The following SLC9A9 variants were observed in gnomAD, a reference collection of about 807,000 sequenced individuals.
The protein encoded by SLC9A9 is solute carrier family 9 member A9, also known as sodium/hydrogen exchanger 9.
SLC9A9 carries 62 observed loss-of-function variants against 77.8 expected under a neutral mutation model. The ratio of observed to expected loss-of-function variants is 0.80; its 90% CI spans 0.65 to 0.98. The LOEUF is 0.98. Ranked by LOEUF, SLC9A9 falls within the 50% of genes least tolerant of loss-of-function variation. The pLI, the probability that SLC9A9 is intolerant of heterozygous loss-of-function variation, is 0.00. For synonymous variants in SLC9A9, 320 were observed against 283.5 expected, an observed-to-expected ratio of 1.13 and a Z score of -1.29; for missense variants, 775 against 774.9, an observed-to-expected ratio of 1.00 and a Z score of 0.00.
chr3:143,608,719 A>C (rs1309187866), intron 6 of SLC9A9, among the ~76,000 whole-genome samples: 2 of 152,218 alleles, frequency 1.3e-5, no homozygotes, highest in African/African-American at 4.8e-5. Context: ...GCTTATGGGT[A>C]CAGACAGACA....
At chr3:143,331,816 C>A (rs1429277004) in intron 14 of SLC9A9, among the ~76,000 whole-genome samples, 1 of 151,956 alleles carries the variant, frequency 6.6e-6, no homozygotes, top group African/African-American at 2.4e-5. Context: ...GAGTAAATTA[C>A]CATATGGTGT....
chr3:143,600,177 C>T (rs961585827), intron 6 of SLC9A9, among the ~76,000 whole-genome samples: 4 of 152,158 alleles, frequency 2.6e-5, no homozygotes, highest in African/African-American at 9.7e-5. Context: ...TATTCCTCCC[C>T]TAGCCTCCAA....
intron 3 of SLC9A9, among the ~76,000 whole-genome samples, chr3:143,796,002 A>T (rs1342476401): frequency 6.6e-6 from 1 of 152,182 alleles, no homozygotes; most frequent in Non-Finnish European, 1.5e-5. Flanking sequence ...GCTGCTGAAG[A>T]TGACTGCTCA....
At chr3:143,596,719 G>A (rs896128247) in intron 6 of SLC9A9, among the ~76,000 whole-genome samples, 2 of 152,080 alleles carry the variant, frequency 1.3e-5, no homozygotes, top group Non-Finnish European at 2.9e-5. Context: ...CTGGAGTACA[G>A]TGGCATGAAT....
At chr3:143,815,726 C>T (rs899442484) in intron 2 of SLC9A9, among the ~76,000 whole-genome samples, 4 of 151,850 alleles carry the variant, frequency 2.6e-5, no homozygotes, top group African/African-American at 9.7e-5. Flanking sequence ...ATTAGCTGGG[C>T]ATGGTGGTGT....
chr3:143,504,615 A>G (rs894098970), intron 9 of SLC9A9, among the ~76,000 whole-genome samples: 3 of 152,206 alleles, frequency 2.0e-5, no homozygotes, highest in Non-Finnish European at 4.4e-5. Context: ...GCATTATAGT[A>G]ATATCAATAT....
chr3:143,544,265 C>T (rs1187404292), intron 9 of SLC9A9, among the ~76,000 whole-genome samples: 2 of 152,090 alleles, frequency 1.3e-5, no homozygotes, highest in East Asian at 3.9e-4. Context: ...CTCGCTCTGT[C>T]GCCCAGGCTG....
intron 8 of SLC9A9, among the ~76,000 whole-genome samples, chr3:143,554,080 C>T (rs1488357759): frequency 6.6e-6 from 1 of 152,084 alleles, no homozygotes; most frequent in African/African-American, 2.4e-5. Context: ...CTGACCTGTT[C>T]ACTGTTTTGA....
At chr3:143,743,755 C>A (rs1935139335) in intron 4 of SLC9A9, among the ~76,000 whole-genome samples, 1 of 152,206 alleles carries the variant, frequency 6.6e-6, no homozygotes, top group South Asian at 2.1e-4. Flanking sequence ...ATTCCTTAAT[C>A]CAGTTAAGTT....
At chr3:143,581,237 G>T (rs1184995450) in intron 6 of SLC9A9, among the ~76,000 whole-genome samples, 2 of 152,178 alleles carry the variant, frequency 1.3e-5, no homozygotes, top group Non-Finnish European at 2.9e-5. Flanking sequence ...GGAGGCAGGT[G>T]AGTTCAGGGC....
intron 8 of SLC9A9, among the ~76,000 whole-genome samples, chr3:143,553,049 C>G (rs2036919723): frequency 6.6e-6 from 1 of 152,186 alleles, no homozygotes; most frequent in Non-Finnish European, 1.5e-5. Context: ...GTGCTCTGTC[C>G]TGCTGCCAAA....
At chr3:143,474,455 A>G (rs2035432945) in intron 11 of SLC9A9, among the ~76,000 whole-genome samples, 1 of 152,124 alleles carries the variant, frequency 6.6e-6, no homozygotes, top group Admixed American at 6.5e-5. Flanking sequence ...AGTCCAGGCG[A>G]GAAGTGAATG....
At chr3:143,574,218 C>A (rs539033024) in intron 7 of SLC9A9, 25 bp from the exon 8 acceptor site, 2 of 1,574,512 alleles carry the variant, frequency 1.3e-6, no homozygotes, top group African/African-American at 2.7e-5. Flanking sequence ...TTAAGGGAAA[C>A]AACAACAGCT....
At chr3:143,289,169 A>T (rs956495147) in intron 14 of SLC9A9, among the ~76,000 whole-genome samples, 2 of 152,124 alleles carry the variant, frequency 1.3e-5, no homozygotes, top group Non-Finnish European at 2.9e-5. Context: ...GGTGGGAGGG[A>T]TGCTTACAGG....
At chr3:143,485,224 T>C (rs2035636536) in intron 11 of SLC9A9, among the ~76,000 whole-genome samples, 1 of 152,200 alleles carries the variant, frequency 6.6e-6, no homozygotes, top group Admixed American at 6.5e-5. Context: ...TGATCACTGA[T>C]GCTGGTTCTG....
chr3:143,362,053 A>C (rs2108483094), intron 14 of SLC9A9, among the ~76,000 whole-genome samples: 2 of 152,330 alleles, frequency 1.3e-5, no homozygotes, highest in Middle Eastern at 6.8e-3. Context: ...GCAGGGGCAA[A>C]TTCTGCTTCC....
chr3:143,475,757 A>T (rs1315205373), intron 11 of SLC9A9, among the ~76,000 whole-genome samples: 1 of 148,786 alleles, frequency 6.7e-6, no homozygotes, highest in African/African-American at 2.5e-5. Flanking sequence ...GCGCCACTGC[A>T]CTCCAGCCTG....
chr3:143,404,869 T>G (rs892724284), intron 12 of SLC9A9, among the ~76,000 whole-genome samples: 15 of 152,252 alleles, frequency 9.9e-5, no homozygotes, highest in African/African-American at 3.6e-4. Flanking sequence ...TCTCCTTTGT[T>G]TTTAAGTCTT....
At chr3:143,297,166 A>C (rs549616467) in intron 14 of SLC9A9, among the ~76,000 whole-genome samples, 1 of 152,270 alleles carries the variant, frequency 6.6e-6, no homozygotes, top group African/African-American at 2.4e-5. Flanking sequence ...TCTGAATTTA[A>C]ATCTTTATTT....
Sources: allele counts gnomAD v4.1 joint callset (sites outside exome capture counted in the v4.1 genomes callset), GRCh38; gene constraint gnomAD v4.1.1; transcripts MANE v1.5; gene names NCBI Gene and HGNC (gene_info 2026-07-23, HGNC 2026-07-21).